The following LRRTM4 variants were observed in gnomAD, a reference collection of about 807,000 sequenced individuals.
The protein encoded by LRRTM4 is leucine-rich repeat transmembrane neuronal protein 4.
In LRRTM4, 25 loss-of-function variants were observed where a neutral mutation model predicts 47.6. The ratio of observed to expected loss-of-function variants is 0.53; its 90% CI spans 0.38 to 0.73. The LOEUF is 0.73. LRRTM4 is among the 30% of genes least tolerant of loss of function. The pLI is 0.00. For missense variants in LRRTM4, 638 were observed against 713.4 expected (o/e 0.89, Z 1.20); for synonymous variants, 311 against 269.5 (o/e 1.15, Z -1.51).
intron 3 of LRRTM4, among the ~76,000 whole-genome samples, chr2:77,069,176 G>A (rs1031065115): frequency 6.6e-6 from 1 of 152,092 alleles, no homozygotes; most frequent in African/African-American, 2.4e-5. Flanking sequence ...CTATATTTCT[G>A]TGTGTGTGTC....
At chr2:77,327,648 T>C (rs1232984596) in intron 3 of LRRTM4, among the ~76,000 whole-genome samples, 2 of 152,214 alleles carry the variant, frequency 1.3e-5, no homozygotes, top group African/African-American at 4.8e-5. Flanking sequence ...TGATGTTATT[T>C]GTTGCCTTCT....
chr2:76,919,303 G>A (rs1294335223), intron 3 of LRRTM4, among the ~76,000 whole-genome samples: 1 of 152,130 alleles, frequency 6.6e-6, no homozygotes, highest in African/African-American at 2.4e-5. Flanking sequence ...CGCATTTTTA[G>A]TATAAACTAA....
At chr2:77,253,791 T>A (rs959684166) in intron 3 of LRRTM4, among the ~76,000 whole-genome samples, 1 of 151,208 alleles carries the variant, frequency 6.6e-6, no homozygotes, top group Admixed American at 6.6e-5. Flanking sequence ...ATCTTCATTT[T>A]TTAAAAAAAT....
intron 3 of LRRTM4, among the ~76,000 whole-genome samples, chr2:77,446,678 A>C (rs571987582): frequency 2.6e-5 from 4 of 152,082 alleles, no homozygotes; most frequent in African/African-American, 9.6e-5. Flanking sequence ...CAAGAGTCAG[A>C]GCTTGGACTT....
At chr2:76,844,900 G>T (rs1277584380) in intron 3 of LRRTM4, among the ~76,000 whole-genome samples, 1 of 151,960 alleles carries the variant, frequency 6.6e-6, no homozygotes, top group Non-Finnish European at 1.5e-5. Flanking sequence ...ATGAAAAAAG[G>T]ATTATTTACC....
chr2:76,884,776 T>G (rs2104121535), intron 3 of LRRTM4, among the ~76,000 whole-genome samples: 1 of 151,666 alleles, frequency 6.6e-6, no homozygotes, highest in South Asian at 2.1e-4. Context: ...TTCTACTTCT[T>G]AACGTCTGTT....
Position 77,473,988 on chromosome 2 carries a change from G to C in LRRTM4, c.1551+44330C>G, listed in dbSNP as rs1274859007. Among the ~76,000 whole-genome samples, 3 of 152,092 alleles carry C rather than the reference G, an allele frequency of 2.0e-5. No homozygotes were observed. In the East Asian group the frequency reaches 5.8e-4, roughly 29 times the overall value. ...TTTACTTACTTAGAATGTGAGCCGGGTGGATGTGAGCTTTGTTCTTGTTTT... is the reference window on the plus strand; with the variant it reads ...TTTACTTACTTAGAATGTGAGCCGGCTGGATGTGAGCTTTGTTCTTGTTTT... On this transcript the variant is annotated intron_variant, in intron 3 of 3. Transcript: ENST00000409884.
rs1671377518 is a variant in LRRTM4 at position 76,832,342 on chromosome 2, TACACACAG to T, written c.1552-83434_1552-83427del. 3.3e-5 allele frequency among the ~76,000 whole-genome samples: 5 copies of T among 151,454 alleles called. No individual in the cohort carries two copies. The South Asian group carries it at 8.4e-4, about 25-fold the overall frequency. On this transcript the variant is annotated intron_variant, in intron 3 of 3. Coordinates refer to ENST00000409884, the MANE Select transcript of LRRTM4 (RefSeq NM_001134745.3). ...GATTGATTAAAAGATCACACACACA[TACACACAG>T]ACACATAAACATAAGTACTTCTCTG...
intron 3 of LRRTM4, among the ~76,000 whole-genome samples, chr2:76,765,553 TAAC>T (rs1673423941): frequency 6.6e-6 from 1 of 152,168 alleles, no homozygotes; most frequent in Non-Finnish European, 1.5e-5. Context: ...TTAGTGCCCT[TAAC>T]AAGATGAGAT....
At position 77,412,236 on chromosome 2, in the gene LRRTM4, G is replaced by A. The variant is rs144285467; in HGVS notation, c.1551+106082C>T. Among the ~76,000 whole-genome samples the A allele has an allele frequency of 1.2e-3, 176 of 152,346 alleles. 1 individual carries two copies. Among genetic ancestry groups the A allele is most frequent in the Non-Finnish European group, 1.2e-3 (83 of 68,044 alleles). On this transcript the variant is annotated intron_variant, in intron 3 of 3. Transcript: ENST00000409884. ...GACATAGGTAAAAAATTTAGGGGCAGCATTTTAGTTCGCAGTACAATCAAG... is the reference window on the plus strand; with the variant it reads ...GACATAGGTAAAAAATTTAGGGGCAACATTTTAGTTCGCAGTACAATCAAG...
At chr2:77,083,267 G>A (rs369420207) in intron 3 of LRRTM4, among the ~76,000 whole-genome samples, 19 of 152,278 alleles carry the variant, frequency 1.2e-4, no homozygotes, top group African/African-American at 4.1e-4. Flanking sequence ...ATTCCATGGT[G>A]CAAAGGATCT....
chr2:76,831,437 T>C (rs1671349910), intron 3 of LRRTM4, among the ~76,000 whole-genome samples: 1 of 152,148 alleles, frequency 6.6e-6, no homozygotes, highest in Non-Finnish European at 1.5e-5. Context: ...CTTTGGTTCT[T>C]TATCTAATTT....
At chr2:77,177,561 A>G (rs975877705) in intron 3 of LRRTM4, among the ~76,000 whole-genome samples, 3 of 152,206 alleles carry the variant, frequency 2.0e-5, no homozygotes, top group Non-Finnish European at 4.4e-5. Flanking sequence ...TATGTCTTCT[A>G]CAAAAGCATT....
At position 77,458,424 on chromosome 2, in the gene LRRTM4, G is replaced by C. The variant is rs144570747; in HGVS notation, c.1551+59894C>G. Among the ~76,000 whole-genome samples, 18 of 151,914 alleles carry C rather than the reference G, an allele frequency of 1.2e-4. No individual in the cohort carries two copies. In the East Asian group the frequency reaches 3.5e-3, roughly 30 times the overall value. On this transcript the variant is annotated intron_variant, in intron 3 of 3. Transcript: ENST00000409884. ...AGAGCTGGCACCACTCTCTTCATTTGGAGCCAGTTGTAGCACTGCCTTGTT... is the reference window on the plus strand; with the variant it reads ...AGAGCTGGCACCACTCTCTTCATTTCGAGCCAGTTGTAGCACTGCCTTGTT...
intron 3 of LRRTM4, among the ~76,000 whole-genome samples, chr2:77,464,248 T>C (rs76479510): frequency 1.3e-5 from 2 of 152,216 alleles, no homozygotes; most frequent in East Asian, 1.9e-4. Flanking sequence ...CACAGTATCA[T>C]GGCCCTGGAA....
At chr2:76,764,588 A>G (rs1673384600) in intron 3 of LRRTM4, among the ~76,000 whole-genome samples, 1 of 152,146 alleles carries the variant, frequency 6.6e-6, no homozygotes, top group South Asian at 2.1e-4. Context: ...CCGTGATAGA[A>G]CTACTACACT....
At chr2:76,944,639 A>C (rs1182340351) in intron 3 of LRRTM4, among the ~76,000 whole-genome samples, 1 of 152,138 alleles carries the variant, frequency 6.6e-6, no homozygotes, top group Admixed American at 6.5e-5. Context: ...GGCAGAAGGC[A>C]AAAGAAAAAT....
chr2:76,850,685 G>T (rs187865819), intron 3 of LRRTM4, among the ~76,000 whole-genome samples: 1 of 152,222 alleles, frequency 6.6e-6, no homozygotes, highest in African/African-American at 2.4e-5. Flanking sequence ...CATCTGAAGC[G>T]ACTATGTCAC....
chr2:77,304,291 G>A (rs538311624), intron 3 of LRRTM4, among the ~76,000 whole-genome samples: 2 of 151,406 alleles, frequency 1.3e-5, no homozygotes, highest in South Asian at 4.2e-4. Context: ...TTTAAAATCA[G>A]GTTATTTGAC....
Sources: allele counts gnomAD v4.1 joint callset (sites outside exome capture counted in the v4.1 genomes callset), GRCh38; gene constraint gnomAD v4.1.1; transcripts MANE v1.5; gene names NCBI Gene and HGNC (gene_info 2026-07-23, HGNC 2026-07-21).